The following CDH13 variants were observed in gnomAD, a reference collection of about 807,000 sequenced individuals.
CDH13 encodes cadherin-13.
CDH13 carries 24 observed loss-of-function variants against 63.8 expected under a neutral mutation model. The observed-to-expected ratio is 0.38, with a 90% CI of 0.27 to 0.53. CDH13 has a LOEUF of 0.53. Among genes scored for constraint, CDH13 ranks in the 20% least tolerant of loss-of-function variants. The probability of loss-of-function intolerance (pLI) is 0.85; values close to 1 mark genes in which losing one functional copy is unlikely to be tolerated. For missense variants in CDH13, 1,049 were observed against 903.1 expected (o/e 1.16, Z -2.07); for synonymous variants, 503 against 355.3 (o/e 1.42, Z -4.67).
At chr16:83,165,010 A>G (rs550587522) in intron 4 of CDH13, among the ~76,000 whole-genome samples, 1 of 151,774 alleles carries the variant, frequency 6.6e-6, no homozygotes, top group African/African-American at 2.4e-5. Context: ...GCAGTTGGCC[A>G]GCACACTCTC....
intron 7 of CDH13, among the ~76,000 whole-genome samples, chr16:83,505,162 T>G (rs952199586): frequency 1.3e-5 from 2 of 152,194 alleles, no homozygotes; most frequent in African/African-American, 4.8e-5. Flanking sequence ...TGCTCTTATT[T>G]CCACATTAAG....
At chr16:82,627,212 G>A in intron 1 of CDH13, 75 bp downstream of exon 1, 1 of 1,276,218 alleles carries the variant, frequency 7.8e-7, no homozygotes, top group Non-Finnish European at 1.1e-6. Flanking sequence ...GGCAGGGTGA[G>A]GGGGCTTTCG....
At chr16:82,973,260 G>T (rs1189697978) in intron 2 of CDH13, among the ~76,000 whole-genome samples, 1 of 152,200 alleles carries the variant, frequency 6.6e-6, no homozygotes, top group East Asian at 1.9e-4. Context: ...CAGAGCAGAT[G>T]CTCAGACGGT....
intron 10 of CDH13, among the ~76,000 whole-genome samples, chr16:83,727,945 C>G (rs980195955): frequency 1.4e-4 from 21 of 152,254 alleles, no homozygotes; most frequent in Middle Eastern, 3.4e-3. Flanking sequence ...TCAAGTTTGA[C>G]TGATGGATTT....
At chr16:82,974,036 C>T (rs1451603892) in intron 2 of CDH13, among the ~76,000 whole-genome samples, 1 of 152,166 alleles carries the variant, frequency 6.6e-6, no homozygotes, top group Non-Finnish European at 1.5e-5. Flanking sequence ...TCTCCTGCCT[C>T]AGCCTCCCAA....
intron 1 of CDH13, among the ~76,000 whole-genome samples, chr16:82,799,311 T>C (rs186878165): frequency 9.6e-4 from 147 of 152,344 alleles, no homozygotes; most frequent in African/African-American, 3.1e-3. Flanking sequence ...TGAAATATTG[T>C]ATACAGCCCA....
intron 3 of CDH13, among the ~76,000 whole-genome samples, chr16:83,086,628 T>A (rs879414859): frequency 7.9e-5 from 12 of 152,242 alleles, no homozygotes; most frequent in Non-Finnish European, 1.3e-4. Flanking sequence ...GTTTTGACCT[T>A]GACATTTAAA....
At chr16:83,720,120 A>C (rs1026285628) in intron 10 of CDH13, among the ~76,000 whole-genome samples, 1 of 152,144 alleles carries the variant, frequency 6.6e-6, no homozygotes, top group African/African-American at 2.4e-5. Flanking sequence ...CGAATTTGGG[A>C]CCGGGGTGCT....
chr16:83,616,070 A>G (rs1361585671), intron 8 of CDH13, among the ~76,000 whole-genome samples: 8 of 152,114 alleles, frequency 5.3e-5, no homozygotes, highest in Non-Finnish European at 1.0e-4. Context: ...GTACAAATAT[A>G]AGCAACGATC....
intron 7 of CDH13, among the ~76,000 whole-genome samples, chr16:83,516,239 C>T (rs545526250): frequency 6.6e-6 from 1 of 152,142 alleles, no homozygotes; most frequent in Non-Finnish European, 1.5e-5. Flanking sequence ...GAATGAGAAG[C>T]AAAAGCAATT....
chr16:83,256,181 G>C (rs143361675), intron 5 of CDH13, among the ~76,000 whole-genome samples: 2 of 152,160 alleles, frequency 1.3e-5, no homozygotes, highest in African/African-American at 4.8e-5. Context: ...CTACAGGCGT[G>C]TGCCACCATG....
intron 3 of CDH13, among the ~76,000 whole-genome samples, chr16:83,045,958 C>T (rs775961096): frequency 3.3e-5 from 5 of 152,214 alleles, no homozygotes; most frequent in Non-Finnish European, 7.3e-5. Context: ...TGGGCAGATG[C>T]CTGTGGACTT....
chr16:82,823,830 T>C (rs926566994), intron 1 of CDH13: 2 of 152,150 alleles, frequency 1.3e-5, no homozygotes, highest in Non-Finnish European at 2.9e-5. Flanking sequence ...TGCTAGAGAA[T>C]TGGAAGTGGG....
intron 2 of CDH13, among the ~76,000 whole-genome samples, chr16:82,970,911 AC>A (rs1908647147): frequency 6.6e-6 from 1 of 152,176 alleles, no homozygotes; most frequent in Admixed American, 6.5e-5. Context: ...TTCAGTACTT[AC>A]TCAGAGTGCA....
intron 1 of CDH13, among the ~76,000 whole-genome samples, chr16:82,764,696 A>G (rs1474771590): frequency 6.6e-6 from 1 of 152,254 alleles, no homozygotes; most frequent in African/African-American, 2.4e-5. Flanking sequence ...TGAATAATGA[A>G]TGAAAGACAC....
intron 5 of CDH13, among the ~76,000 whole-genome samples, chr16:83,322,020 G>C (rs1198245596): frequency 6.6e-6 from 1 of 152,214 alleles, no homozygotes; most frequent in Non-Finnish European, 1.5e-5. Context: ...CAAGGCCACT[G>C]GAGACAGCAG....
intron 3 of CDH13, among the ~76,000 whole-genome samples, chr16:83,084,836 C>T (rs1357150065): frequency 3.3e-5 from 5 of 152,100 alleles, no homozygotes; most frequent in South Asian, 2.1e-4. Flanking sequence ...TGCAGTGAGC[C>T]GAGATCGCAC....
At chr16:83,045,754 T>C (rs970367507) in intron 3 of CDH13, among the ~76,000 whole-genome samples, 3 of 152,186 alleles carry the variant, frequency 2.0e-5, no homozygotes, top group Non-Finnish European at 4.4e-5. Flanking sequence ...TTTGATTCTC[T>C]GTTCTCAACA....
intron 1 of CDH13, among the ~76,000 whole-genome samples, chr16:82,690,805 G>C (rs963697929): frequency 4.6e-5 from 7 of 152,338 alleles, no homozygotes; most frequent in South Asian, 2.1e-4. Flanking sequence ...GGAGTCACCT[G>C]GGTGTTGGCT....
Sources: allele counts gnomAD v4.1 joint callset (sites outside exome capture counted in the v4.1 genomes callset), GRCh38; gene constraint gnomAD v4.1.1; transcripts MANE v1.5; gene names NCBI Gene and HGNC (gene_info 2026-07-23, HGNC 2026-07-21).